GRID2: variants seen among roughly 807,000 people sequenced by gnomAD.
GRID2 encodes the protein glutamate receptor ionotropic, delta-2.
Under a neutral mutation model 114.8 loss-of-function variants are expected in GRID2, and 33 were observed. The ratio of observed to expected loss-of-function variants is 0.29; its 90% CI spans 0.22 to 0.38. The LOEUF is 0.38. Ranked by LOEUF, GRID2 falls within the 10% of genes least tolerant of loss-of-function variation. The pLI, the probability that GRID2 is intolerant of heterozygous loss-of-function variation, is 1.00. For missense variants in GRID2, 1,184 were observed against 1,257.7 expected, an observed-to-expected ratio of 0.94 and a Z score of 0.89; for synonymous variants, 505 against 449.9, an observed-to-expected ratio of 1.12 and a Z score of -1.55.
intron 8 of GRID2, among the ~76,000 whole-genome samples, chr4:93,260,202 G>T (rs1714807975): frequency 6.6e-6 from 1 of 151,478 alleles, no homozygotes. Flanking sequence ...TAAATCCATG[G>T]AGTTTATCAC....
chr4:92,392,065 T>G lies in GRID2; in HGVS notation c.88+87321T>G, dbSNP rs192986122. ...ATTATGTTTTATGAAAACATACCAC[T>G]GACAGCTTCCAATAGGAATCAGAAG... On this transcript the variant is annotated intron_variant, in intron 1 of 15. Coordinates refer to ENST00000282020, the MANE Select transcript of GRID2 (RefSeq NM_001510.4). Among the ~76,000 whole-genome samples the G allele has an allele frequency of 5.9e-5, 9 of 152,334 alleles. No individual in the cohort carries two copies. In the East Asian group the frequency reaches 1.7e-3, roughly 29 times the overall value.
intron 2 of GRID2, among the ~76,000 whole-genome samples, chr4:93,028,663 C>G (rs183616647): frequency 2.6e-5 from 4 of 151,998 alleles, no homozygotes; most frequent in Admixed American, 2.6e-4. Context: ...GATCAAACCA[C>G]AGTAATTAGT....
chr4:93,454,247 T>C (rs915093722), intron 10 of GRID2, among the ~76,000 whole-genome samples: 1 of 152,064 alleles, frequency 6.6e-6, no homozygotes, highest in Non-Finnish European at 1.5e-5. Flanking sequence ...TGTTTTAATA[T>C]AAAAAATTTC....
chr4:92,678,284 G>T (rs935331099), intron 2 of GRID2, among the ~76,000 whole-genome samples: 2 of 151,742 alleles, frequency 1.3e-5, no homozygotes, highest in East Asian at 1.9e-4. Context: ...TTATTTATTG[G>T]TATTCCCATA....
At chr4:92,631,148 A>G (rs750520963) in intron 2 of GRID2, among the ~76,000 whole-genome samples, 7 of 152,146 alleles carry the variant, frequency 4.6e-5, no homozygotes, top group Non-Finnish European at 1.0e-4. Flanking sequence ...AGGCTCTCAA[A>G]GTCAACATAA....
At chr4:93,453,588 C>T (rs1036813266) in intron 10 of GRID2, among the ~76,000 whole-genome samples, 1 of 151,976 alleles carries the variant, frequency 6.6e-6, no homozygotes, top group Non-Finnish European at 1.5e-5. Context: ...TATTTTTATT[C>T]TATTTTAAAA....
At chr4:92,336,045 A>G (rs2110152566) in intron 1 of GRID2, among the ~76,000 whole-genome samples, 1 of 152,328 alleles carries the variant, frequency 6.6e-6, no homozygotes, top group South Asian at 2.1e-4. Context: ...ATTATAATGT[A>G]TGGCCTTGAT....
chr4:92,704,709 C>CTCTCTCTCTCTCTT (rs1449483845), intron 2 of GRID2, among the ~76,000 whole-genome samples: 55 of 146,924 alleles, frequency 3.7e-4, no homozygotes, highest in African/African-American at 1.2e-3. Flanking sequence ...CAATCTCTCT[C>CTCTCTCTCTCTCTT]TCTCTCTCTC....
intron 1 of GRID2, among the ~76,000 whole-genome samples, chr4:93,796,535 TTTTGTTTG>T (rs138592743): frequency 2.0e-5 from 3 of 150,876 alleles, no homozygotes; most frequent in Admixed American, 1.3e-4. Flanking sequence ...AATGTACTTC[TTTTGTTTG>T]TTTGTTTGTT....
At chr4:93,061,124 A>G (rs1159587235) in intron 2 of GRID2, among the ~76,000 whole-genome samples, 3 of 150,322 alleles carry the variant, frequency 2.0e-5, no homozygotes, top group Non-Finnish European at 3.0e-5. Flanking sequence ...ATAAATAAAT[A>G]AATAAATAAA....
chr4:92,673,957 T>C (rs1310661832), intron 2 of GRID2, among the ~76,000 whole-genome samples: 2 of 152,084 alleles, frequency 1.3e-5, no homozygotes, highest in Non-Finnish European at 2.9e-5. Context: ...ACATGTACCC[T>C]AGAACTTAAA....
intron 4 of GRID2, among the ~76,000 whole-genome samples, chr4:93,182,210 G>A (rs915825722): frequency 3.9e-5 from 6 of 151,984 alleles, no homozygotes; most frequent in Non-Finnish European, 5.9e-5. Flanking sequence ...CCTCATGCAG[G>A]CCTATTTAAT....
At chr4:92,309,567 A>T (rs13121289) in intron 1 of GRID2, among the ~76,000 whole-genome samples, 133,295 of 151,678 alleles carry the variant, frequency 0.88, 58,994 homozygotes, top group East Asian at 1. Context: ...ATTTTTAAAA[A>T]TCTCAGAAAA....
rs192980307 is a variant in GRID2 at position 93,664,170 on chromosome 4, G to A, written c.2360+37735G>A. 4.6e-5 allele frequency among the ~76,000 whole-genome samples: 7 copies of A among 152,296 alleles called. No homozygotes were observed. The East Asian group carries it at 5.8e-4, about 13-fold the overall frequency. ...TGCAAAGGCCCTGAGGTAGAAGCAC[G>A]ATTTCATACTCAAGGAACAGTAAGC... On this transcript the variant is annotated intron_variant, in intron 14 of 15. Coordinates refer to ENST00000282020, the MANE Select transcript of GRID2 (RefSeq NM_001510.4).
At chr4:93,407,001 T>C (rs1579977999) in intron 9 of GRID2, among the ~76,000 whole-genome samples, 2 of 152,156 alleles carry the variant, frequency 1.3e-5, no homozygotes, top group African/African-American at 4.8e-5. Flanking sequence ...AACATCATGA[T>C]TGGATTTCAG....
intron 1 of GRID2, among the ~76,000 whole-genome samples, chr4:92,470,721 A>G (rs573704781): frequency 6.6e-6 from 1 of 152,026 alleles, no homozygotes; most frequent in Non-Finnish European, 1.5e-5. Flanking sequence ...TTGTATTTTC[A>G]ATAATGGCCA....
chr4:92,876,086 T>A (rs1307632338), intron 2 of GRID2, among the ~76,000 whole-genome samples: 1 of 152,002 alleles, frequency 6.6e-6, no homozygotes, highest in Non-Finnish European at 1.5e-5. Flanking sequence ...TACTATAATA[T>A]TAAAATTCTA....
At chr4:92,584,653 A>G (rs949426477) in intron 1 of GRID2, among the ~76,000 whole-genome samples, 5 of 151,992 alleles carry the variant, frequency 3.3e-5, no homozygotes, top group Admixed American at 3.3e-4. Context: ...AAATAAATGG[A>G]TTTAATATGC....
At chr4:93,635,998 G>A (rs1721379211) in intron 14 of GRID2, among the ~76,000 whole-genome samples, 2 of 152,078 alleles carry the variant, frequency 1.3e-5, no homozygotes, top group Admixed American at 6.6e-5. Context: ...CAACCCCATG[G>A]GGTAGATTTT....
Sources: allele counts gnomAD v4.1 joint callset (sites outside exome capture counted in the v4.1 genomes callset), GRCh38; gene constraint gnomAD v4.1.1; transcripts MANE v1.5; gene names NCBI Gene and HGNC (gene_info 2026-07-23, HGNC 2026-07-21).